CDK6: variants seen among roughly 807,000 people sequenced by gnomAD.
CDK6 encodes the protein cyclin-dependent kinase 6.
In CDK6, 6 loss-of-function variants were observed where a neutral mutation model predicts 37.1. The ratio of observed to expected loss-of-function variants is 0.16; its 90% CI spans 0.09 to 0.32. CDK6 has a LOEUF of 0.32. Ranked by LOEUF, CDK6 falls within the 10% of genes least tolerant of loss-of-function variation. The pLI is 1.00. For synonymous variants in CDK6, 160 were observed against 161.3 expected (o/e 0.99, Z 0.06); for missense variants, 224 against 418.9 (o/e 0.53, Z 4.06).
intron 5 of CDK6, 36 bp downstream of exon 5, chr7:92,671,390 C>T (rs2116602314): frequency 7.5e-7 from 1 of 1,337,514 alleles, no homozygotes. Context: ...AGTCTCTTTT[C>T]AAGGAAAGCA....
intron 5 of CDK6, among the ~76,000 whole-genome samples, chr7:92,663,975 A>G (rs998802283): frequency 2.6e-5 from 4 of 151,770 alleles, no homozygotes; most frequent in Non-Finnish European, 5.9e-5. Flanking sequence ...CCCCGTCTCT[A>G]CTAAAAATAC....
chr7:92,663,954 C>CCATCCTGGCTAA (rs1422576852), intron 5 of CDK6, among the ~76,000 whole-genome samples: 2 of 151,448 alleles, frequency 1.3e-5, no homozygotes, highest in Admixed American at 6.6e-5. Context: ...GAGATCAAGA[C>CCATCCTGGCTAA]CACGGTGAAA....
At chr7:92,636,907 T>C (rs1796185921) in intron 5 of CDK6, among the ~76,000 whole-genome samples, 1 of 152,162 alleles carries the variant, frequency 6.6e-6, no homozygotes, top group Non-Finnish European at 1.5e-5. Context: ...TCAGGTGATC[T>C]GCCCACCTCG....
rs566528312 is a variant in CDK6, at chr7:92,710,974, A to C, written c.537+14652T>G. The C allele has an allele frequency of 1.0e-5, 4 of 394,254 alleles. No homozygotes were observed. The Admixed American group carries it at 2.6e-4, about 25-fold the overall frequency. The allele number at this position is 394,254 out of a possible 1,614,324, so 24.4% of individuals were successfully genotyped here. A position where few individuals can be genotyped will look rare whatever the true frequency, so the allele number is the denominator to read the frequency against. On this transcript the variant is annotated intron_variant, in intron 4 of 7. Transcript: ENST00000424848. ...GCCAGCAAAGGCAATGGCCAGAGGC[A>C]CTCAGGAGAGACAAAGCAGTGAGCT...
At chr7:92,692,224 C>A (rs1329282526) in intron 4 of CDK6, among the ~76,000 whole-genome samples, 1 of 151,896 alleles carries the variant, frequency 6.6e-6, no homozygotes, top group Admixed American at 6.5e-5. Flanking sequence ...CGAGATCACA[C>A]CATTGCACTC....
chr7:92,748,742 C>T (rs780785973), intron 3 of CDK6, among the ~76,000 whole-genome samples: 1 of 152,142 alleles, frequency 6.6e-6, no homozygotes, highest in Non-Finnish European at 1.5e-5. Flanking sequence ...CTCAGTACTA[C>T]AGTACTTCCT....
At chr7:92,658,447 G>A in intron 5 of CDK6, among the ~76,000 whole-genome samples, 1 of 152,106 alleles carries the variant, frequency 6.6e-6, no homozygotes, top group East Asian at 1.9e-4. Flanking sequence ...AAATCTCTAG[G>A]TACTGACATA....
chr7:92,766,351 G>T (rs930479161), intron 3 of CDK6, among the ~76,000 whole-genome samples: 3 of 152,092 alleles, frequency 2.0e-5, no homozygotes, highest in African/African-American at 7.2e-5. Flanking sequence ...TGATGGATTG[G>T]ATGAAGACTG....
At chr7:92,653,918 A>G (rs1796632257) in intron 5 of CDK6, among the ~76,000 whole-genome samples, 1 of 152,066 alleles carries the variant, frequency 6.6e-6, no homozygotes, top group Admixed American at 6.5e-5. Flanking sequence ...AAGATCATCA[A>G]TTTCTTAGGC....
chr7:92,688,587 ACAC>A (rs1562936389), intron 4 of CDK6, among the ~76,000 whole-genome samples: 1 of 131,828 alleles, frequency 7.6e-6, no homozygotes, highest in Non-Finnish European at 1.6e-5. Flanking sequence ...TACATCACAC[ACAC>A]ACACACACAC....
At chr7:92,804,610 T>C (rs1180466944) in intron 2 of CDK6, among the ~76,000 whole-genome samples, 4 of 152,250 alleles carry the variant, frequency 2.6e-5, no homozygotes, top group Non-Finnish European at 5.9e-5. Context: ...GTTGGACTTA[T>C]GTGTTTTTTC....
chr7:92,646,393 TTTTC>T (rs1339877686), intron 5 of CDK6, among the ~76,000 whole-genome samples: 4 of 151,570 alleles, frequency 2.6e-5, no homozygotes, highest in South Asian at 4.2e-4. Context: ...TCTTTTTTCT[TTTTC>T]TTTTTCTTTT....
At position 92,833,162 on chromosome 7, in the gene CDK6, C is replaced by T. The variant is rs1801536704; in HGVS notation, c.162G>A (p.Met54Ile). ...RVRVQTGEEG[M>I]PLSTIREVAV... is the part of the protein sequence containing the mutation. ...CCACCTCGCGGATGGTGGAGAGCGG[C>T]ATGCCCTCCTCGCCGGTCTGCACCC... Residue 54 changes from methionine to isoleucine, a missense_variant, in exon 2 of 8, where the codon ATG becomes ATA. Met to Ile is a conservative substitution (Grantham distance 10, BLOSUM62 1). Coordinates refer to ENST00000424848, the MANE Select transcript of CDK6 (RefSeq NM_001145306.2). The surrounding 1 kb of genome is among the most constrained non-coding windows in gnomAD (Gnocchi z 6.1). 6.2e-7 allele frequency: 1 copy of T among 1,609,344 alleles called. No individual in the cohort carries two copies. The highest frequency in any genetic ancestry group is 8.5e-7 in the Non-Finnish European group (1 of 1,178,532).
intron 4 of CDK6, among the ~76,000 whole-genome samples, chr7:92,694,551 G>A (rs1030982286): frequency 6.6e-6 from 1 of 152,200 alleles, no homozygotes; most frequent in African/African-American, 2.4e-5. Flanking sequence ...AAGAGCCTGT[G>A]AAGAACCTTT....
chr7:92,726,344 C>T (rs1183041826), intron 3 of CDK6, among the ~76,000 whole-genome samples: 2 of 152,130 alleles, frequency 1.3e-5, no homozygotes, highest in Non-Finnish European at 2.9e-5. Flanking sequence ...TTTTACAGGT[C>T]AAGAAACTGA....
At chr7:92,752,147 A>C (rs575286265) in intron 3 of CDK6, among the ~76,000 whole-genome samples, 1 of 152,298 alleles carries the variant, frequency 6.6e-6, no homozygotes, top group South Asian at 2.1e-4. Flanking sequence ...AAATAAGGAC[A>C]GTGCTGCTTC....
chr7:92,629,717 T>C (rs1277316097), intron 5 of CDK6, among the ~76,000 whole-genome samples: 5 of 152,248 alleles, frequency 3.3e-5, no homozygotes, highest in Non-Finnish European at 5.9e-5. Flanking sequence ...GTGTCATCTC[T>C]CCCTGCCTTA....
At chr7:92,685,057 T>A (rs1330151273) in intron 4 of CDK6, among the ~76,000 whole-genome samples, 1 of 152,234 alleles carries the variant, frequency 6.6e-6, no homozygotes, top group Non-Finnish European at 1.5e-5. Context: ...ACTTACTGAA[T>A]TTTAAATGTC....
At chr7:92,697,010 C>A (rs1201607224) in intron 4 of CDK6, among the ~76,000 whole-genome samples, 1 of 152,164 alleles carries the variant, frequency 6.6e-6, no homozygotes, top group Admixed American at 6.5e-5. Flanking sequence ...TCTACGTTAC[C>A]AGGCAGCCAT....
Sources: gnomAD v4.1 joint callset for allele counts (sites outside exome capture counted in the v4.1 genomes callset) on GRCh38, gnomAD v4.1.1 for gene constraint, Gnocchi (gnomAD v3.1) non-coding constraint, MANE v1.5 for transcripts, NCBI Gene and HGNC (gene_info 2026-07-23, HGNC 2026-07-21) for gene names.